CCDC82: variants seen among roughly 807,000 people sequenced by gnomAD.
CCDC82 encodes the protein coiled-coil domain containing 82, also known as coiled-coil domain-containing protein 82.
Under a neutral mutation model 60.6 loss-of-function variants are expected in CCDC82, and 47 were observed. The observed-to-expected ratio is 0.77, with a 90% confidence interval of 0.61 to 0.99. CCDC82 has a LOEUF of 0.99. CCDC82 is among the 50% of genes least tolerant of loss of function. CCDC82 has a pLI of 0.00. For synonymous variants in CCDC82, 212 were observed against 207.4 expected (o/e 1.02, Z -0.19); for missense variants, 588 against 633.0 (o/e 0.93, Z 0.76).
intron 9 of CCDC82, chr11:96,356,935 C>T (rs185029279): frequency 1.4e-4 from 142 of 985,302 alleles, no homozygotes; most frequent in African/African-American, 1.2e-3. Flanking sequence ...ACAAATAGTA[C>T]GTGTAAGGCA....
chr11:96,375,664 T>TA (rs1424771072), intron 5 of CCDC82, among the ~76,000 whole-genome samples: 11 of 152,356 alleles, frequency 7.2e-5, no homozygotes, highest in African/African-American at 2.6e-4. Flanking sequence ...AAAACTTTCC[T>TA]AAGACCAAAC....
At chr11:96,366,046 A>T (rs1271776731) in intron 7 of CCDC82, among the ~76,000 whole-genome samples, 2 of 152,172 alleles carry the variant, frequency 1.3e-5, no homozygotes, top group Non-Finnish European at 2.9e-5. Context: ...ATGGCACTTT[A>T]TGACATGTAT....
intron 5 of CCDC82, chr11:96,382,069 A>C (rs780707653): frequency 6.6e-6 from 1 of 151,870 alleles, no homozygotes; most frequent in African/African-American, 2.4e-5. Flanking sequence ...GTAGTACTCT[A>C]TAGGATGAAA....
intron 8 of CCDC82, among the ~76,000 whole-genome samples, chr11:96,362,845 C>A (rs1178119728): frequency 5.3e-5 from 8 of 152,136 alleles, no homozygotes; most frequent in African/African-American, 1.2e-4. Context: ...TTTGCACCCT[C>A]AAAAAGAACC....
At chr11:96,370,480 C>T (rs1226083758) in intron 7 of CCDC82, among the ~76,000 whole-genome samples, 2 of 152,168 alleles carry the variant, frequency 1.3e-5, no homozygotes, top group East Asian at 3.8e-4. Flanking sequence ...AGATGCCAAA[C>T]ACTATCTAGA....
chr11:96,367,045 G>A (rs1864988174), intron 7 of CCDC82, among the ~76,000 whole-genome samples: 1 of 152,186 alleles, frequency 6.6e-6, no homozygotes, highest in South Asian at 2.1e-4. Flanking sequence ...TCTAAAAAAT[G>A]CTAACAATCA....
At chr11:96,353,833 C>A (rs1257234370) in intron 9 of CCDC82, 119 bp from the exon 10 acceptor site, 8 of 643,368 alleles carry the variant, frequency 1.2e-5, no homozygotes, top group Non-Finnish European at 2.2e-5. Flanking sequence ...GAACAAAAAT[C>A]TTTTTATGAT....
At chr11:96,357,938 G>T (rs79911824) in intron 9 of CCDC82, 2 of 985,394 alleles carry the variant, frequency 2.0e-6, no homozygotes, top group East Asian at 2.3e-4. Context: ...ATCAAGATGT[G>T]GGGGGCAGGC....
chr11:96,384,465 T>C lies in CCDC82; in HGVS notation c.283A>G (p.Asn95Asp). 1.2e-6 allele frequency: 2 copies of C among 1,613,830 alleles called. No homozygotes were observed. The highest frequency in any genetic ancestry group is 1.7e-6 in the Non-Finnish European group (2 of 1,179,810). Residue 95 changes from asparagine to aspartate, a missense_variant, in exon 4 of 10, where the codon AAT becomes GAT. Asn to Asp is a conservative substitution (Grantham distance 23). Transcript: ENST00000646818. ...GAGTTAATGAGACACTTACTGTCATTTCCTTCACTTTGAATTTTACTTAAG... is the reference window on the plus strand; with the variant it reads ...GAGTTAATGAGACACTTACTGTCATCTCCTTCACTTTGAATTTTACTTAAG... ...LNLSKIQSEG[N>D]DSKCLINSGN...
At position 96,383,433 on chromosome 11, in the gene CCDC82, T is replaced by A. The variant is rs142006540; in HGVS notation, c.827A>T (p.Asp276Val). 538 of 1,605,378 alleles carry A rather than the reference T, an allele frequency of 3.4e-4. 3 individuals are homozygous for A. The highest frequency in any genetic ancestry group is 2.4e-3 in the South Asian group (217 of 90,418). ...ATAATTATCCTCTTCTTCCTCCTCA[T>A]CAACTTCATCACTGCTTGGGCAAGA... ...KESCPSSDEV[D>V]EEEEEDNYES... Residue 276 changes from aspartate (D) to valine (V), a missense_variant, in exon 5 of 10, where the codon GAT (aspartate) becomes GTT (valine). Asp to Val is a radical substitution (Grantham distance 152, BLOSUM62 -3). Coordinates refer to ENST00000646818, the MANE Select transcript of CCDC82 (RefSeq NM_024725.4).
At chr11:96,375,351 A>G (rs1055778422) in intron 5 of CCDC82, among the ~76,000 whole-genome samples, 2 of 152,186 alleles carry the variant, frequency 1.3e-5, no homozygotes, top group Non-Finnish European at 2.9e-5. Context: ...AGAGATCAAA[A>G]TCATTTGAGA....
Position 96,373,397 on chromosome 11 carries a change from T to C in CCDC82, c.1062A>G (p.Glu354=), listed in dbSNP as rs767732633. ...VKALLINALD[E]SFLGTLYDGT... is the part of the protein sequence containing the mutation. ...TACCATATAATGTTCCCAGAAAAGA[T>C]TCATCTAAAGCGTTGATCAGAAGAG... is the stretch of plus-strand genomic sequence containing the variant. The change falls in exon 6 of 10, where the codon GAA becomes GAG. Residue 354 remains glutamate (E), a synonymous_variant. Coordinates refer to ENST00000646818, the MANE Select transcript of CCDC82 (RefSeq NM_024725.4). 1.9e-6 allele frequency: 3 copies of C among 1,605,490 alleles called. No homozygotes were observed. Among genetic ancestry groups the C allele is most frequent in the African/African-American group, 1.3e-5 (1 of 74,560 alleles).
intron 3 of CCDC82, chr11:96,385,945 G>A (rs1304328664): frequency 6.6e-6 from 1 of 152,116 alleles, no homozygotes; most frequent in East Asian, 1.9e-4. Flanking sequence ...ACCTTATGAG[G>A]CTGATTATTC....
chr11:96,377,414 G>A (rs1865645419), intron 5 of CCDC82, among the ~76,000 whole-genome samples: 1 of 151,500 alleles, frequency 6.6e-6, no homozygotes. Flanking sequence ...TTTTTCAATA[G>A]TTATATTTCT....
intron 5 of CCDC82, among the ~76,000 whole-genome samples, chr11:96,378,306 A>T (rs1240149010): frequency 6.6e-6 from 1 of 151,902 alleles, no homozygotes. Context: ...TTTTTCATAG[A>T]CTGCATAGCA....
At chr11:96,375,488 C>T (rs987651082) in intron 5 of CCDC82, among the ~76,000 whole-genome samples, 1 of 152,132 alleles carries the variant, frequency 6.6e-6, no homozygotes, top group Non-Finnish European at 1.5e-5. Context: ...TGGGTTAATG[C>T]TCCTGGAATT....
chr11:96,371,828 G>A (rs922765578), intron 6 of CCDC82, among the ~76,000 whole-genome samples: 1 of 152,016 alleles, frequency 6.6e-6, no homozygotes, highest in East Asian at 1.9e-4. Context: ...CTAGCTAGGC[G>A]TTTTCCTCAT....
At chr11:96,376,174 T>C (rs1015588671) in intron 5 of CCDC82, among the ~76,000 whole-genome samples, 2 of 152,244 alleles carry the variant, frequency 1.3e-5, no homozygotes, top group Non-Finnish European at 2.9e-5. Context: ...TTGATTTCCA[T>C]GTATCCTTTA....
intron 1 of CCDC82, 77 bp from the exon 2 acceptor site, chr11:96,387,690 G>A (rs1282679855): frequency 6.6e-6 from 1 of 152,138 alleles, no homozygotes; most frequent in Non-Finnish European, 1.5e-5. Context: ...CATTCATGCT[G>A]TATTTTAGTT....
Sources: gnomAD v4.1 joint callset for allele counts (sites outside exome capture counted in the v4.1 genomes callset) on GRCh38, gnomAD v4.1.1 for gene constraint, MANE v1.5 for transcripts, NCBI Gene and HGNC (gene_info 2026-07-23, HGNC 2026-07-21) for gene names.